LRMDA: variants seen among roughly 807,000 people sequenced by gnomAD.
LRMDA encodes the protein leucine rich melanocyte differentiation associated, also known as leucine-rich melanocyte differentiation-associated protein.
LRMDA carries 18 observed loss-of-function variants against 29.8 expected under a neutral mutation model. The ratio of observed to expected loss-of-function variants is 0.60; its 90% confidence interval spans 0.42 to 0.90. The LOEUF is 0.90. Ranked by LOEUF, LRMDA falls within the 40% of genes least tolerant of loss-of-function variation. The pLI is 0.00. For missense variants in LRMDA, 273 were observed against 273.9 expected, an observed-to-expected ratio of 1.00 and a Z score of 0.02; for synonymous variants, 125 against 109.4, an observed-to-expected ratio of 1.14 and a Z score of -0.89.
chr10:75,840,051 A>G (rs1307410362), intron 2 of LRMDA, among the ~76,000 whole-genome samples: 1 of 152,218 alleles, frequency 6.6e-6, no homozygotes, highest in Non-Finnish European at 1.5e-5. Context: ...GTTTGCTGAC[A>G]TCAGCTGGGT....
At chr10:75,914,303 T>G (rs1845894451) in intron 2 of LRMDA, among the ~76,000 whole-genome samples, 1 of 152,220 alleles carries the variant, frequency 6.6e-6, no homozygotes, top group South Asian at 2.1e-4. Context: ...TTAATGGGTA[T>G]TTTGCCTCTC....
At chr10:75,988,230 T>C (rs983409928) in intron 2 of LRMDA, among the ~76,000 whole-genome samples, 15 of 151,978 alleles carry the variant, frequency 9.9e-5, no homozygotes, top group African/African-American at 2.9e-4. Flanking sequence ...TTGAAAGGCA[T>C]GGGACACTGG....
At chr10:75,966,741 T>A (rs932265898) in intron 2 of LRMDA, among the ~76,000 whole-genome samples, 1 of 152,238 alleles carries the variant, frequency 6.6e-6, no homozygotes, top group East Asian at 1.9e-4. Context: ...TTAGAGATTC[T>A]TGAGTTCAAA....
intron 2 of LRMDA, among the ~76,000 whole-genome samples, chr10:75,475,447 T>C (rs1375314590): frequency 6.6e-6 from 1 of 152,084 alleles, no homozygotes; most frequent in Non-Finnish European, 1.5e-5. Context: ...TCCTAACCAG[T>C]GTGTTGATTT....
rs877530 is a variant in LRMDA, at chr10:75,889,623, G to A, written c.132-146385G>A. On this transcript the variant is annotated intron_variant, in intron 2 of 6. Coordinates refer to ENST00000611255, the MANE Select transcript of LRMDA (RefSeq NM_001305581.2). The stretch of plus-strand genomic sequence containing the variant: ...TGATTGTGCAATTGTGCCAGCACAC[G>A]CCTAGAACTGGCAACTTACTAAAGA... Among the ~76,000 whole-genome samples the A allele has an allele frequency of 6.6e-3, 1,012 of 152,280 alleles. 14 individuals carry two copies. The highest frequency in any genetic ancestry group is 0.023 in the African/African-American group (959 of 41,572).
chr10:75,743,568 A>G (rs1842856294), intron 2 of LRMDA: 1 of 152,206 alleles, frequency 6.6e-6, no homozygotes. Context: ...CTGGAGACCA[A>G]AGAGTTCTGA....
intron 2 of LRMDA, among the ~76,000 whole-genome samples, chr10:75,594,504 C>G (rs1564518105): frequency 6.6e-6 from 1 of 152,170 alleles, no homozygotes; most frequent in Non-Finnish European, 1.5e-5. Context: ...AGTAGTTACA[C>G]AAATATAAAT....
chr10:76,240,885 CAT>C (rs1158569172), intron 5 of LRMDA, among the ~76,000 whole-genome samples: 2 of 141,872 alleles, frequency 1.4e-5, no homozygotes, highest in Non-Finnish European at 3.1e-5. Context: ...CACACACACA[CAT>C]ACACACATAC....
At chr10:76,439,238 G>A (rs140597081) in intron 6 of LRMDA, among the ~76,000 whole-genome samples, 34 of 152,292 alleles carry the variant, frequency 2.2e-4, no homozygotes, top group Admixed American at 1.8e-3. Context: ...AAATGCAGTA[G>A]CAAGCCCCAA....
chr10:76,110,003 T>C (rs7910498), intron 5 of LRMDA, among the ~76,000 whole-genome samples: 66,307 of 151,992 alleles, frequency 0.44, 16,376 homozygotes, highest in East Asian at 0.68. Context: ...CTCATTCACA[T>C]CCAGGTTTTC....
intron 2 of LRMDA, among the ~76,000 whole-genome samples, chr10:75,644,548 C>T (rs1218261169): frequency 6.6e-6 from 1 of 152,114 alleles, no homozygotes; most frequent in Non-Finnish European, 1.5e-5. Context: ...TGGGCTTCCT[C>T]AAAATAAGTA....
Position 75,594,040 on chromosome 10 carries a change from G to T in LRMDA, c.131+155546G>T, listed in dbSNP as rs374141937. ...TGTTCTGTGAGTAAGATTGGGTGAA[G>T]TTGGTCCTTTTGTCCCAGTAAATGT... is the stretch of plus-strand genomic sequence containing the variant. On this transcript the variant is annotated intron_variant, in intron 2 of 6. Coordinates refer to ENST00000611255, the MANE Select transcript of LRMDA (RefSeq NM_001305581.2). Among the ~76,000 whole-genome samples, 7 of 152,374 alleles carry T rather than the reference G, an allele frequency of 4.6e-5. No individual in the cohort carries two copies. The South Asian group carries it at 6.2e-4, about 14-fold the overall frequency.
At chr10:76,369,959 C>G (rs1387522362) in intron 6 of LRMDA, among the ~76,000 whole-genome samples, 2 of 151,954 alleles carry the variant, frequency 1.3e-5, no homozygotes, top group Non-Finnish European at 2.9e-5. Context: ...GAAATGTAGA[C>G]AAATAACAGT....
At chr10:75,865,923 AG>A (rs1196606030) in intron 2 of LRMDA, among the ~76,000 whole-genome samples, 4 of 152,258 alleles carry the variant, frequency 2.6e-5, no homozygotes, top group Admixed American at 1.3e-4. Context: ...AGCTTCCCTC[AG>A]CAATAATTAT....
At chr10:75,751,209 G>A (rs1468538548) in intron 2 of LRMDA, among the ~76,000 whole-genome samples, 1 of 152,146 alleles carries the variant, frequency 6.6e-6, no homozygotes, top group Non-Finnish European at 1.5e-5. Context: ...CAGGCACTCG[G>A]CAGGCTGAGG....
chr10:75,782,850 A>G (rs1350382316), intron 2 of LRMDA: 2 of 1,527,794 alleles, frequency 1.3e-6, no homozygotes, highest in Admixed American at 2.0e-5. Flanking sequence ...TTTTAGTTTT[A>G]TTCTTTTTCC....
chr10:75,645,301 G>A (rs888171682), intron 2 of LRMDA, among the ~76,000 whole-genome samples: 5 of 152,216 alleles, frequency 3.3e-5, no homozygotes, highest in African/African-American at 1.2e-4. Context: ...TACTCTTAAA[G>A]ATAAATTGTG....
chr10:76,459,379 C>T (rs993832464), intron 6 of LRMDA, among the ~76,000 whole-genome samples: 1 of 152,096 alleles, frequency 6.6e-6, no homozygotes, highest in Non-Finnish European at 1.5e-5. Flanking sequence ...GAACTTTCTC[C>T]GTCACTTGGG....
At chr10:76,338,363 C>CATAA (rs35208147) in intron 6 of LRMDA, among the ~76,000 whole-genome samples, 49,666 of 146,116 alleles carry the variant, frequency 0.34, 9,983 homozygotes, top group Admixed American at 0.49. Context: ...GACACAGTCT[C>CATAA]ATAAATAAAT....
Sources: gnomAD v4.1 joint callset for allele counts (sites outside exome capture counted in the v4.1 genomes callset) on GRCh38, gnomAD v4.1.1 for gene constraint, MANE v1.5 for transcripts, NCBI Gene and HGNC (gene_info 2026-07-23, HGNC 2026-07-21) for gene names.